NDFIP2: variants seen among roughly 807,000 people sequenced by gnomAD.
NDFIP2 encodes NEDD4 family-interacting protein 2.
NDFIP2 carries 19 observed loss-of-function variants against 36.0 expected under a neutral mutation model. The ratio of observed to expected loss-of-function variants is 0.53; its 90% CI spans 0.37 to 0.77. The LOEUF is 0.77. NDFIP2 is among the 30% of genes least tolerant of loss of function. The pLI, the probability that NDFIP2 is intolerant of heterozygous loss-of-function variation, is 0.00. For synonymous variants in NDFIP2, 181 were observed against 167.7 expected (o/e 1.08, Z -0.61); for missense variants, 446 against 435.8 (o/e 1.02, Z -0.21).
intron 5 of NDFIP2, among the ~76,000 whole-genome samples, chr13:79,547,628 A>C (rs1264338829): frequency 2.6e-5 from 4 of 152,126 alleles, no homozygotes; most frequent in Non-Finnish European, 5.9e-5. Flanking sequence ...AATATCATCA[A>C]ATTCTGCCTT....
intron 1 of NDFIP2, among the ~76,000 whole-genome samples, chr13:79,509,918 T>A (rs1330438646): frequency 1.3e-5 from 2 of 152,180 alleles, no homozygotes; most frequent in African/African-American, 4.8e-5. Flanking sequence ...ATATTCTAGC[T>A]GCGCTGGCAG....
At chr13:79,506,676 G>C (rs1873880496) in intron 1 of NDFIP2, among the ~76,000 whole-genome samples, 1 of 152,026 alleles carries the variant, frequency 6.6e-6, no homozygotes, top group South Asian at 2.1e-4. Flanking sequence ...AGTATAAAGA[G>C]ACAAGCAGTC....
At chr13:79,501,514 G>C (rs535310175) in intron 1 of NDFIP2, among the ~76,000 whole-genome samples, 1 of 152,142 alleles carries the variant, frequency 6.6e-6, no homozygotes, top group Non-Finnish European at 1.5e-5. Flanking sequence ...TCAGTATAGG[G>C]GGATACATGA....
chr13:79,519,398 C>T (rs756143074), intron 1 of NDFIP2, among the ~76,000 whole-genome samples: 32 of 152,246 alleles, frequency 2.1e-4, no homozygotes, highest in Admixed American at 5.9e-4. Context: ...CACTTTTTAT[C>T]GTATTGATGC....
rs1876019518 is a variant in NDFIP2 at position 79,554,193 on chromosome 13, C to T, written c.*1680C>T. 6.6e-6 allele frequency: 1 copy of T among 151,136 alleles called. No homozygotes were observed. The highest frequency in any genetic ancestry group is 1.5e-5 in the Non-Finnish European group (1 of 67,510). The allele number at this position is 151,136 out of a possible 1,614,324, so 9.4% of individuals were successfully genotyped here. A position where few individuals can be genotyped will look rare whatever the true frequency, so the allele number is the denominator to read the frequency against. ...TTGTATTAAAGTACCTGTGTTACAC[C>T]CCTTGAAGTAAGACAGTAGCATGGG... On this transcript the variant is annotated 3_prime_UTR_variant, in exon 8 of 8. Coordinates refer to ENST00000218652, the MANE Select transcript of NDFIP2 (RefSeq NM_019080.3).
chr13:79,510,758 G>A (rs764271294), intron 1 of NDFIP2, among the ~76,000 whole-genome samples: 1 of 152,030 alleles, frequency 6.6e-6, no homozygotes, highest in Non-Finnish European at 1.5e-5. Flanking sequence ...CAGCACTTTC[G>A]GAGTCTGAGG....
chr13:79,513,338 A>G (rs1256584419), intron 1 of NDFIP2, among the ~76,000 whole-genome samples: 1 of 152,218 alleles, frequency 6.6e-6, no homozygotes, highest in Non-Finnish European at 1.5e-5. Flanking sequence ...AAAAAGTTCC[A>G]TGCCTTAATG....
intron 1 of NDFIP2, among the ~76,000 whole-genome samples, chr13:79,519,711 T>C (rs547827907): frequency 6.6e-6 from 1 of 152,380 alleles, no homozygotes; most frequent in Admixed American, 6.5e-5. Flanking sequence ...TTATTAACTC[T>C]CAAGGAATTT....
In NDFIP2 at chr13:79,481,534, C is replaced by T. The variant is rs373360586; in HGVS notation, c.321+10C>T. On this transcript the variant is annotated intron_variant, in intron 1 of 7. Transcript: ENST00000218652. ...TGGGCGCTACCAGGTGGTGAGTTCCCGGCCTCCTGTGCCTCCCGGGACTGC... is the reference window on the plus strand; with the variant it reads ...TGGGCGCTACCAGGTGGTGAGTTCCTGGCCTCCTGTGCCTCCCGGGACTGC... The T allele has an allele frequency of 4.8e-5, 74 of 1,544,416 alleles. No individual in the cohort carries two copies. The Admixed American group carries it at 9.3e-4, about 19-fold the overall frequency.
At chr13:79,485,156 T>C (rs1872918087) in intron 1 of NDFIP2, among the ~76,000 whole-genome samples, 1 of 152,092 alleles carries the variant, frequency 6.6e-6, no homozygotes, top group Non-Finnish European at 1.5e-5. Flanking sequence ...ATTCGTGCAG[T>C]GGGTTTGCAT....
intron 7 of NDFIP2, 129 bp downstream of exon 7, chr13:79,551,251 T>C (rs946057548): frequency 1.4e-5 from 6 of 440,570 alleles, no homozygotes; most frequent in Non-Finnish European, 1.6e-5. Context: ...TTAATACTGC[T>C]AACAGTCAGC....
At chr13:79,500,976 A>C (rs990332102) in intron 1 of NDFIP2, among the ~76,000 whole-genome samples, 3 of 152,100 alleles carry the variant, frequency 2.0e-5, no homozygotes, top group Admixed American at 2.0e-4. Context: ...ACAGATTATT[A>C]TTCAGAACCA....
At chr13:79,519,782 A>AT (rs1333272126) in intron 1 of NDFIP2, among the ~76,000 whole-genome samples, 6 of 152,044 alleles carry the variant, frequency 3.9e-5, no homozygotes, top group Non-Finnish European at 8.8e-5. Flanking sequence ...TGCTTTAGTA[A>AT]TTTTTTTGTT....
intron 3 of NDFIP2, 128 bp from the exon 4 acceptor site, chr13:79,539,554 G>C (rs1411425701): frequency 3.0e-6 from 2 of 672,502 alleles, no homozygotes; most frequent in African/African-American, 3.6e-5. Flanking sequence ...GCCAGACATT[G>C]TACTCATTAT....
rs1873941689 is a variant in NDFIP2, at chr13:79,508,133, ATAGT to A, written c.322-12674_322-12671del. 2.0e-5 allele frequency among the ~76,000 whole-genome samples: 3 copies of A among 152,202 alleles called. No homozygotes were observed. In the South Asian group the frequency reaches 6.2e-4, roughly 32 times the overall value. On this transcript the variant is annotated intron_variant, in intron 1 of 7. Coordinates refer to ENST00000218652, the MANE Select transcript of NDFIP2 (RefSeq NM_019080.3). ...AATTAGTCTTATAAATCATGGGATA[ATAGT>A]TATTTATTGCCTACTGGCTAGAAAG...
At chr13:79,516,332 C>T (rs931474006) in intron 1 of NDFIP2, among the ~76,000 whole-genome samples, 4 of 152,158 alleles carry the variant, frequency 2.6e-5, no homozygotes, top group Admixed American at 1.3e-4. Context: ...CTGCTCACTG[C>T]AGCCTCCACC....
In NDFIP2 at chr13:79,551,141, T is replaced by G. The variant is rs761726222; in HGVS notation, c.*2+19T>G. 4.0e-6 allele frequency: 6 copies of G among 1,487,054 alleles called. No homozygotes were observed. The highest frequency in any genetic ancestry group is 1.2e-5 in the South Asian group (1 of 82,750). The allele number at this position is 1,487,054 out of a possible 1,614,324, so 92.1% of individuals were successfully genotyped here. ...TGTAGAGGTAAGAAATATTAATCTG[T>G]GAACTCTGCCTATTCCCTTTATGTA... On this transcript the variant is annotated intron_variant, in intron 7 of 7. Transcript: ENST00000218652.
chr13:79,503,040 T>C (rs1873726090), intron 1 of NDFIP2, among the ~76,000 whole-genome samples: 1 of 152,036 alleles, frequency 6.6e-6, no homozygotes, highest in African/African-American at 2.4e-5. Flanking sequence ...TGTCTGGCAT[T>C]TGGGAGTGAA....
intron 1 of NDFIP2, among the ~76,000 whole-genome samples, chr13:79,512,885 C>T (rs924127522): frequency 6.6e-6 from 1 of 152,128 alleles, no homozygotes; most frequent in African/African-American, 2.4e-5. Context: ...GTTGTAGCTT[C>T]TCTATTTGGG....
Sources: gnomAD v4.1 joint callset for allele counts (sites outside exome capture counted in the v4.1 genomes callset) on GRCh38, gnomAD v4.1.1 for gene constraint, MANE v1.5 for transcripts, NCBI Gene and HGNC (gene_info 2026-07-23, HGNC 2026-07-21) for gene names.